The following LOXHD1 variants were observed in gnomAD, a reference collection of about 807,000 sequenced individuals.
LOXHD1 encodes lipoxygenase homology domain-containing protein 1.
LOXHD1 carries 205 observed loss-of-function variants against 248.2 expected under a neutral mutation model. That is an observed-to-expected ratio of 0.83 (90% CI 0.74 to 0.93). The LOEUF (loss-of-function observed/expected upper bound fraction) is 0.93. LOXHD1 is among the 40% of genes least tolerant of loss of function. The probability of loss-of-function intolerance (pLI) is 0.00; values close to 1 mark genes in which losing one functional copy is unlikely to be tolerated. For synonymous variants in LOXHD1, 1,113 were observed against 1,162.8 expected (o/e 0.96, Z 0.87); for missense variants, 2,930 against 2,971.6 (o/e 0.99, Z 0.33).
At chr18:46,502,141 A>G (rs2034270503) in intron 37 of LOXHD1, among the ~76,000 whole-genome samples, 1 of 152,222 alleles carries the variant, frequency 6.6e-6, no homozygotes. Context: ...CTTCTATTAA[A>G]TTTATGTCCA....
rs201359169 is a variant in LOXHD1 at position 46,629,543 on chromosome 18, TC to T, written c.511+10072del. Among the ~76,000 whole-genome samples the T allele has an allele frequency of 1.3e-4, 20 of 152,096 alleles. 1 individual carries two copies. In the East Asian group the frequency reaches 3.9e-3, roughly 29 times the overall value. On this transcript the variant is annotated intron_variant, in intron 4 of 40. Transcript: ENST00000642948. ...AATCACCATCCCTTTCTTATCCCAT[TC>T]TCCCCTCAAATGCACCCTGGGCACT...
At chr18:46,639,876 T>C in intron 3 of LOXHD1, 76 bp from the exon 4 acceptor site, 1 of 1,501,168 alleles carries the variant, frequency 6.7e-7, no homozygotes, top group South Asian at 1.2e-5. Flanking sequence ...AATACCCAGA[T>C]GTTTACTCCA....
intron 1 of LOXHD1, among the ~76,000 whole-genome samples, chr18:46,656,179 G>A (rs901926951): frequency 2.0e-5 from 3 of 152,264 alleles, no homozygotes; most frequent in Non-Finnish European, 4.4e-5. Flanking sequence ...GACAGGGAGT[G>A]GTGGAGACTG....
chr18:46,637,556 T>A (rs1266810984), intron 4 of LOXHD1, among the ~76,000 whole-genome samples: 1 of 151,976 alleles, frequency 6.6e-6, no homozygotes, highest in South Asian at 2.1e-4. Flanking sequence ...ACCTATGAAA[T>A]TCACCCCAGT....
intron 40 of LOXHD1, among the ~76,000 whole-genome samples, chr18:46,479,725 G>A (rs2032385602): frequency 6.8e-6 from 1 of 146,898 alleles, no homozygotes; most frequent in Admixed American, 6.9e-5. Flanking sequence ...GCCCAATGGT[G>A]CAAAATCAAA....
At chr18:46,528,667 C>T (rs1271660081) in intron 29 of LOXHD1, among the ~76,000 whole-genome samples, 1 of 152,176 alleles carries the variant, frequency 6.6e-6, no homozygotes, top group Non-Finnish European at 1.5e-5. Flanking sequence ...TGGGGCTCTA[C>T]ACAACACAAT....
At chr18:46,564,520 C>T (rs2037598587) in intron 17 of LOXHD1, among the ~76,000 whole-genome samples, 1 of 151,838 alleles carries the variant, frequency 6.6e-6, no homozygotes, top group Non-Finnish European at 1.5e-5. Flanking sequence ...GCCAGAGCAA[C>T]ATCCTGTCTC....
intron 35 of LOXHD1, among the ~76,000 whole-genome samples, chr18:46,508,842 C>T (rs1294437379): frequency 6.6e-6 from 1 of 152,144 alleles, no homozygotes; most frequent in East Asian, 1.9e-4. Context: ...GGACTCCTAA[C>T]ATCACAGTGG....
Position 46,657,025 on chromosome 18 carries a change from G to A in LOXHD1, c.9C>T (p.Pro3=), listed in dbSNP as rs2039192207. Residue 3 remains proline (P), a synonymous_variant, in exon 1 of 41, where the codon CCC becomes CCT. Transcript: ENST00000642948. ...CCTTCTTCCTCCGCCTTTTCTTCTG[G>A]GGCATCATTCTGTCGGCTGCCTTCT... MM[P]QKKRRRKKDI... 1.3e-6 allele frequency: 2 copies of A among 1,551,500 alleles called. No individual in the cohort carries two copies. The highest frequency in any genetic ancestry group is 1.7e-6 in the Non-Finnish European group (2 of 1,146,944).
At chr18:46,555,087 G>A (rs732109) in intron 21 of LOXHD1, 224,907 of 469,390 alleles carry the variant, frequency 0.48, 54,932 homozygotes, top group South Asian at 0.52. Context: ...TGTTGGGCTA[G>A]CCGAGAAATG....
chr18:46,650,542 G>A (rs1233459333), intron 1 of LOXHD1, among the ~76,000 whole-genome samples: 6 of 152,190 alleles, frequency 3.9e-5, no homozygotes, highest in Middle Eastern at 3.4e-3. Context: ...TTCTACTTCC[G>A]GTCTTTTCAG....
intron 37 of LOXHD1, among the ~76,000 whole-genome samples, chr18:46,498,222 T>C (rs2143774022): frequency 6.6e-6 from 1 of 152,334 alleles, no homozygotes; most frequent in Middle Eastern, 3.4e-3. Context: ...CTTAAGCTCC[T>C]GCAGTTAAAC....
intron 4 of LOXHD1, among the ~76,000 whole-genome samples, chr18:46,622,859 A>G (rs2038688154): frequency 6.6e-6 from 1 of 152,214 alleles, no homozygotes; most frequent in South Asian, 2.1e-4. Flanking sequence ...CGCTTCTGCA[A>G]TCTTAGTCTT....
At chr18:46,648,388 C>T (rs1035436142) in intron 2 of LOXHD1, among the ~76,000 whole-genome samples, 1 of 152,170 alleles carries the variant, frequency 6.6e-6, no homozygotes, top group Non-Finnish European at 1.5e-5. Context: ...CTTTGGTTTC[C>T]CCATGAGCAG....
Position 46,485,071 on chromosome 18 carries a change from G to T in LOXHD1, c.6130C>A (p.Arg2044=), listed in dbSNP as rs1306586204. 3.2e-6 allele frequency: 5 copies of T among 1,550,692 alleles called. No individual in the cohort carries two copies. Among genetic ancestry groups the T allele is most frequent in the Middle Eastern group, 1.7e-4 (1 of 5,988 alleles). ...VWLILEGRKN[R]SKEFLMENSS... ...TTTTCCATGAGAAACTCTTTGGATC[G>T]GTTCTTCCTGCCCTCCAGGATGAGC... The change falls in exon 39 of 41, where the codon CGA becomes AGA. Residue 2044 remains arginine (R), a synonymous_variant. Coordinates refer to ENST00000642948, the MANE Select transcript of LOXHD1 (RefSeq NM_001384474.1).
intron 40 of LOXHD1, among the ~76,000 whole-genome samples, chr18:46,481,850 ACAGGAAGGTGC>A (rs1210402210): frequency 6.6e-5 from 10 of 152,190 alleles, no homozygotes; most frequent in Admixed American, 2.0e-4. Context: ...TCCTCCTAAG[ACAGGAAGGTGC>A]CAGGTGGTGC....
At chr18:46,612,996 A>T (rs1342708580) in intron 5 of LOXHD1, among the ~76,000 whole-genome samples, 1 of 152,082 alleles carries the variant, frequency 6.6e-6, no homozygotes, top group Admixed American at 6.6e-5. Context: ...AAATGTCTTA[A>T]TATCTGGCAG....
intron 34 of LOXHD1, among the ~76,000 whole-genome samples, chr18:46,511,311 A>G (rs1425926851): frequency 2.0e-5 from 3 of 152,282 alleles, no homozygotes; most frequent in African/African-American, 7.2e-5. Flanking sequence ...GACCCCCTCC[A>G]GACACCTCAG....
rs527536011 is a variant in LOXHD1 at position 46,592,548 on chromosome 18, G to A, written c.1468C>T (p.Arg490Ter). ...LPDLGRFYKI[R>*]VWHDKRSSGS... ...GAACTCCTTTTATCATGCCATACTC[G>A]AATCTTATAAAACCTGCCAAGATCC... The change falls in exon 11 of 41, where the codon CGA becomes TGA. Residue 490 changes from arginine to a stop codon, truncating the protein, a stop_gained. Coordinates refer to ENST00000642948, the MANE Select transcript of LOXHD1 (RefSeq NM_001384474.1). LOFTEE classifies it high-confidence loss of function. 8 of 1,551,386 alleles carry A rather than the reference G, an allele frequency of 5.2e-6. No homozygotes were observed. Among genetic ancestry groups the A allele is most frequent in the African/African-American group, 2.7e-5 (2 of 72,972 alleles).
Sources: allele counts gnomAD v4.1 joint callset (sites outside exome capture counted in the v4.1 genomes callset), GRCh38; gene constraint gnomAD v4.1.1; transcripts MANE v1.5; gene names NCBI Gene and HGNC (gene_info 2026-07-23, HGNC 2026-07-21).